Variants in TCF4 observed in about 807,000 individuals in gnomAD.
The protein encoded by TCF4 is SL3-3 enhancer factor 2.
TCF4 carries 3 observed loss-of-function variants against 82.1 expected under a neutral mutation model. That is an observed-to-expected ratio of 0.04 (90% CI 0.02 to 0.09). The LOEUF is 0.09. Ranked by LOEUF, TCF4 falls within the 10% of genes least tolerant of loss-of-function variation. The pLI, the probability that TCF4 is intolerant of heterozygous loss-of-function variation, is 1.00. For synonymous variants in TCF4, 276 were observed against 309.6 expected (o/e 0.89, Z 1.14); for missense variants, 518 against 852.7 (o/e 0.61, Z 4.89).
chr18:55,422,139 A>AC, intron 5 of TCF4: 1 of 884,456 alleles, frequency 1.1e-6, no homozygotes, highest in Non-Finnish European at 1.3e-6. Flanking sequence ...AAAAAAAAAA[A>AC]AAAAAAAAAC....
chr18:55,372,604 C>A (rs2089590548), intron 6 of TCF4, among the ~76,000 whole-genome samples: 1 of 152,016 alleles, frequency 6.6e-6, no homozygotes, highest in Non-Finnish European at 1.5e-5. Context: ...TACCCCCACA[C>A]TTCTGAAAAA....
upstream of TCF4, among the ~76,000 whole-genome samples, chr18:55,591,918 C>G (rs905857151): frequency 3.9e-5 from 6 of 152,198 alleles, no homozygotes; most frequent in Non-Finnish European, 7.3e-5. Context: ...CTCGTTGCTT[C>G]TTCGTTTTTT....
intron 3 of TCF4, among the ~76,000 whole-genome samples, chr18:55,513,287 GA>G (rs1337662145): frequency 1.3e-5 from 2 of 151,560 alleles, no homozygotes; most frequent in African/African-American, 4.8e-5. Flanking sequence ...ACCTCTCTGA[GA>G]TCTAGGCATG....
chr18:55,409,411 T>A (rs1330376827), intron 5 of TCF4, among the ~76,000 whole-genome samples: 1 of 152,164 alleles, frequency 6.6e-6, no homozygotes, highest in African/African-American at 2.4e-5. Context: ...TCTCACTATG[T>A]TACCCAAGGT....
At chr18:55,246,074 T>C (rs1454011694) in intron 15 of TCF4, among the ~76,000 whole-genome samples, 1 of 152,174 alleles carries the variant, frequency 6.6e-6, no homozygotes, top group Non-Finnish European at 1.5e-5. Context: ...TTCCAAATTA[T>C]GGATAGTTTA....
At chr18:55,342,917 C>T (rs2080301244) in intron 8 of TCF4, among the ~76,000 whole-genome samples, 1 of 152,068 alleles carries the variant, frequency 6.6e-6, no homozygotes, top group African/African-American at 2.4e-5. Context: ...TAATGATATA[C>T]TGTGCCAATC....
intron 5 of TCF4, among the ~76,000 whole-genome samples, chr18:55,436,027 A>G (rs1292545803): frequency 2.6e-5 from 4 of 152,250 alleles, no homozygotes; most frequent in Non-Finnish European, 5.9e-5. Context: ...AATACTATCT[A>G]TGAAAGAATC....
At chr18:55,518,332 AAG>A (rs2096902563) in intron 3 of TCF4, among the ~76,000 whole-genome samples, 2 of 152,320 alleles carry the variant, frequency 1.3e-5, no homozygotes, top group Non-Finnish European at 2.9e-5. Flanking sequence ...CAAAATTTCA[AAG>A]ACTCTATCAA....
rs763994135 is a variant in TCF4 at position 55,275,640 on chromosome 18, G to A, written c.768C>T (p.Ser256=). Residue 256 remains serine (S), a synonymous_variant, in exon 10 of 20, where the codon AGC becomes AGT. Transcript: ENST00000354452. ...SHIPQSSSYC[S]LHPHERLSYP... ...TTACCAAACGTTCATGTGGATGCAG[G>A]CTACAGTAGCTGCTGGACTGTGGAA... is the stretch of plus-strand genomic sequence containing the variant. 6.2e-7 allele frequency: 1 copy of A among 1,613,804 alleles called. No homozygotes were observed. Among genetic ancestry groups the A allele is most frequent in the South Asian group, 1.1e-5 (1 of 91,074 alleles).
At chr18:55,287,670 C>T (rs1267467718) in intron 8 of TCF4, among the ~76,000 whole-genome samples, 1 of 152,220 alleles carries the variant, frequency 6.6e-6, no homozygotes, top group African/African-American at 2.4e-5. Context: ...TGCACTCAGC[C>T]TGCAGCAAGC....
chr18:55,268,439 A>G (rs2059652396), intron 11 of TCF4: 1 of 152,088 alleles, frequency 6.6e-6, no homozygotes, highest in African/African-American at 2.4e-5. Flanking sequence ...ATAGCTAACA[A>G]ACTTCCCCAT....
At chr18:55,559,482 G>T (rs891485484) in intron 3 of TCF4, among the ~76,000 whole-genome samples, 1 of 151,998 alleles carries the variant, frequency 6.6e-6, no homozygotes, top group East Asian at 1.9e-4. Flanking sequence ...TTTAAAAAAG[G>T]TTTATTAACC....
intron 2 of TCF4, among the ~76,000 whole-genome samples, chr18:55,615,341 T>C (rs555069821): frequency 6.6e-6 from 1 of 152,280 alleles, no homozygotes; most frequent in East Asian, 1.9e-4. Context: ...AAATTTCTAA[T>C]TGTTCTTAGT....
upstream of TCF4, among the ~76,000 whole-genome samples, chr18:55,592,415 A>G (rs151251228): frequency 3.9e-5 from 6 of 152,230 alleles, no homozygotes; most frequent in Admixed American, 1.3e-4. Flanking sequence ...ATTCTCACAT[A>G]GTGGAGAAAG....
At chr18:55,330,664 C>G (rs1189970351) in intron 8 of TCF4, among the ~76,000 whole-genome samples, 3 of 152,140 alleles carry the variant, frequency 2.0e-5, no homozygotes, top group Non-Finnish European at 4.4e-5. Context: ...CTCCCAGGTT[C>G]AAGCAATTCT....
chr18:55,346,878 AG>A (rs2081294010), intron 8 of TCF4, among the ~76,000 whole-genome samples: 2 of 152,212 alleles, frequency 1.3e-5, no homozygotes, highest in Admixed American at 1.3e-4. Context: ...GCTACTTTCT[AG>A]ATTTTAGTAC....
chr18:55,305,591 C>T (rs1393700669), intron 8 of TCF4, among the ~76,000 whole-genome samples: 1 of 152,126 alleles, frequency 6.6e-6, no homozygotes, highest in Non-Finnish European at 1.5e-5. Context: ...CTTTCAAAAA[C>T]TAGGATTACG....
chr18:55,229,441 A>G (rs1006693482), intron 17 of TCF4: 7 of 289,038 alleles, frequency 2.4e-5, no homozygotes, highest in Admixed American at 4.8e-5. Flanking sequence ...TACGCCTAGC[A>G]TATGTTGCAT....
At chr18:55,482,442 T>C (rs2096452830) in intron 3 of TCF4, among the ~76,000 whole-genome samples, 1 of 152,172 alleles carries the variant, frequency 6.6e-6, no homozygotes, top group African/African-American at 2.4e-5. Context: ...ACCAGGGATG[T>C]AGTGATCCCA....
Sources: gnomAD v4.1 joint callset for allele counts (sites outside exome capture counted in the v4.1 genomes callset) on GRCh38, gnomAD v4.1.1 for gene constraint, MANE v1.5 for transcripts, NCBI Gene and HGNC (gene_info 2026-07-23, HGNC 2026-07-21) for gene names.